The following STARD13 variants were observed in gnomAD, a reference collection of about 807,000 sequenced individuals.
The protein encoded by STARD13 is stAR-related lipid transfer protein 13.
In STARD13, 62 loss-of-function variants were observed where a neutral mutation model predicts 106.4. That is an observed-to-expected ratio of 0.58 (90% CI 0.48 to 0.72). The LOEUF is 0.72. Among genes scored for constraint, STARD13 ranks in the 30% least tolerant of loss-of-function variants. The pLI is 0.00. For synonymous variants in STARD13, 565 were observed against 553.0 expected (o/e 1.02, Z -0.31); for missense variants, 1,387 against 1,424.0 (o/e 0.97, Z 0.42).
the STARD13 span, among the ~76,000 whole-genome samples, chr13:33,360,799 CTT>C: frequency 5.9e-5 from 7 of 118,146 alleles, no homozygotes; most frequent in South Asian, 2.9e-4. Flanking sequence ...TTTTTCTTTT[CTT>C]TTTTTTTTTT....
chr13:33,307,000 T>C (rs2138484155), intron 1 of STARD13, among the ~76,000 whole-genome samples: 1 of 150,688 alleles, frequency 6.6e-6, no homozygotes, highest in African/African-American at 2.4e-5. Context: ...GCAAAGGACA[T>C]GAACAGACAT....
chr13:33,480,609 C>G, the STARD13 span, among the ~76,000 whole-genome samples: 29 of 152,012 alleles, frequency 1.9e-4, no homozygotes, highest in African/African-American at 6.5e-4. Flanking sequence ...ATGATTACAG[C>G]AGAGAAGTAC....
Position 33,170,807 on chromosome 13 carries a change from G to A in STARD13, c.170-3185C>T, listed in dbSNP as rs115344553. Among the ~76,000 whole-genome samples, 620 of 152,218 alleles carry A rather than the reference G, an allele frequency of 4.1e-3. 4 individuals are homozygous for A. Among genetic ancestry groups the A allele is most frequent in the African/African-American group, 0.014 (580 of 41,528 alleles). ...CTTGATACCTCAATTTAAGGACAAAGCCAACTCTCATTTACCAGCTAGTGA... is the reference window on the plus strand; with the variant it reads ...CTTGATACCTCAATTTAAGGACAAAACCAACTCTCATTTACCAGCTAGTGA... On this transcript the variant is annotated intron_variant, in intron 1 of 13. Transcript: ENST00000336934.
chr13:33,413,161 A>T, the STARD13 span, among the ~76,000 whole-genome samples: 2 of 152,210 alleles, frequency 1.3e-5, no homozygotes, highest in African/African-American at 4.8e-5. Flanking sequence ...CACACTTCTA[A>T]ATAATCTATG....
At chr13:33,645,555 T>C in the STARD13 span, among the ~76,000 whole-genome samples, 1 of 152,286 alleles carries the variant, frequency 6.6e-6, no homozygotes, top group South Asian at 2.1e-4. Flanking sequence ...CTCTTTTAAC[T>C]ATGAAGTAGG....
intron 3 of STARD13, among the ~76,000 whole-genome samples, chr13:33,162,942 G>C (rs1167960824): frequency 6.6e-6 from 1 of 151,912 alleles, no homozygotes; most frequent in South Asian, 2.1e-4. Flanking sequence ...TATTGTATTA[G>C]TCCATTTTCA....
the STARD13 span, among the ~76,000 whole-genome samples, chr13:33,664,385 A>G: frequency 6.6e-6 from 1 of 152,240 alleles, no homozygotes; most frequent in Admixed American, 6.5e-5. Context: ...GGGGTTCCGC[A>G]TCAATAGTAC....
intron 8 of STARD13, among the ~76,000 whole-genome samples, chr13:33,116,283 A>C (rs1214648309): frequency 6.6e-6 from 1 of 152,154 alleles, no homozygotes; most frequent in African/African-American, 2.4e-5. Flanking sequence ...CTCAGCCTTC[A>C]GTTGTCACTT....
chr13:33,140,161 G>A (rs777590559), intron 4 of STARD13, among the ~76,000 whole-genome samples: 3 of 152,194 alleles, frequency 2.0e-5, no homozygotes, highest in Non-Finnish European at 2.9e-5. Context: ...AGCCCATCTC[G>A]CCTCTGGGTT....
intron 1 of STARD13, among the ~76,000 whole-genome samples, chr13:33,197,736 T>C (rs1465634267): frequency 1.3e-5 from 2 of 152,224 alleles, no homozygotes; most frequent in Non-Finnish European, 2.9e-5. Flanking sequence ...CATTAGTATG[T>C]AGTTAGATCC....
At chr13:33,173,098 A>T (rs1263715261) in intron 1 of STARD13, among the ~76,000 whole-genome samples, 1 of 152,208 alleles carries the variant, frequency 6.6e-6, no homozygotes, top group East Asian at 1.9e-4. Context: ...GCATAGCAGG[A>T]TGACTCAGCC....
the STARD13 span, among the ~76,000 whole-genome samples, chr13:33,671,588 G>A: frequency 1.3e-5 from 2 of 152,030 alleles, no homozygotes; most frequent in African/African-American, 4.8e-5. Context: ...AAATTAACTT[G>A]GTGTGGTGGT....
chr13:33,638,822 G>A, the STARD13 span, among the ~76,000 whole-genome samples: 4 of 152,126 alleles, frequency 2.6e-5, no homozygotes, highest in African/African-American at 7.2e-5. Context: ...TCACTTGGGG[G>A]TCTTAGAATT....
intron 1 of STARD13, among the ~76,000 whole-genome samples, chr13:33,188,513 C>T (rs960057083): frequency 6.6e-6 from 1 of 152,156 alleles, no homozygotes; most frequent in Non-Finnish European, 1.5e-5. Context: ...TGCACACATA[C>T]TCAACTTCAC....
intron 1 of STARD13, among the ~76,000 whole-genome samples, chr13:33,310,646 A>AAT (rs1181390461): frequency 1.3e-5 from 2 of 152,146 alleles, no homozygotes; most frequent in Non-Finnish European, 2.9e-5. Context: ...AATAAAATTC[A>AAT]ATATATATAT....
the STARD13 span, among the ~76,000 whole-genome samples, chr13:33,493,471 G>A: frequency 9.9e-5 from 15 of 152,194 alleles, no homozygotes; most frequent in South Asian, 8.3e-4. Context: ...ATACTGATTC[G>A]TCAATCATAG....
chr13:33,600,567 A>G, the STARD13 span, among the ~76,000 whole-genome samples: 1 of 152,222 alleles, frequency 6.6e-6, no homozygotes, highest in East Asian at 1.9e-4. Flanking sequence ...TGAAATGTTA[A>G]TTTGTGAATC....
the STARD13 span, among the ~76,000 whole-genome samples, chr13:33,550,259 A>G: frequency 2.0e-5 from 3 of 152,204 alleles, no homozygotes; most frequent in Non-Finnish European, 2.9e-5. Context: ...CTAATTCTCT[A>G]TGCCTTTTTG....
At chr13:33,479,489 C>T in the STARD13 span, among the ~76,000 whole-genome samples, 2 of 152,182 alleles carry the variant, frequency 1.3e-5, no homozygotes, top group African/African-American at 2.4e-5. Flanking sequence ...CAGCAAAGGA[C>T]TGCTTGGATA....
Sources: gnomAD v4.1 joint callset for allele counts (sites outside exome capture counted in the v4.1 genomes callset) on GRCh38, gnomAD v4.1.1 for gene constraint, MANE v1.5 for transcripts, NCBI Gene and HGNC (gene_info 2026-07-23, HGNC 2026-07-21) for gene names.